The following HSD17B12 variants were observed in gnomAD, a reference collection of about 807,000 sequenced individuals.
The protein encoded by HSD17B12 is very-long-chain 3-oxoacyl-CoA reductase.
Under a neutral mutation model 39.3 loss-of-function variants are expected in HSD17B12, and 32 were observed. The ratio of observed to expected loss-of-function variants is 0.81; its 90% CI spans 0.61 to 1.09. The LOEUF (loss-of-function observed/expected upper bound fraction) is 1.09. Ranked by LOEUF, HSD17B12 falls within the 50% of genes least tolerant of loss-of-function variation. The pLI is 0.00. For synonymous variants in HSD17B12, 150 were observed against 146.7 expected (o/e 1.02, Z -0.16); for missense variants, 342 against 382.9 (o/e 0.89, Z 0.89).
At chr11:43,651,137 C>G in the HSD17B12 span, among the ~76,000 whole-genome samples, 1 of 152,134 alleles carries the variant, frequency 6.6e-6, no homozygotes, top group South Asian at 2.1e-4. Context: ...TAGAAATGTT[C>G]AAAAAGGTAT....
intron 1 of HSD17B12, 93 bp from the exon 2 acceptor site, chr11:43,750,818 C>T: frequency 1.3e-6 from 1 of 791,352 alleles, no homozygotes; most frequent in South Asian, 1.8e-5. Flanking sequence ...AAGTGTCACA[C>T]TGGTCCTTTT....
chr11:43,849,666 C>G (rs1001331122), intron 9 of HSD17B12, among the ~76,000 whole-genome samples: 1 of 152,210 alleles, frequency 6.6e-6, no homozygotes, highest in African/African-American at 2.4e-5. Flanking sequence ...CAGCCTCTAT[C>G]AGCTCTTTTA....
chr11:43,683,086 C>G (rs935164950), intron 1 of HSD17B12, among the ~76,000 whole-genome samples: 6 of 150,726 alleles, frequency 4.0e-5, no homozygotes, highest in African/African-American at 1.5e-4. Flanking sequence ...GCCACCATGC[C>G]TGGATGTGTT....
the HSD17B12 span, among the ~76,000 whole-genome samples, chr11:43,562,978 T>C: frequency 6.6e-6 from 1 of 152,190 alleles, no homozygotes; most frequent in Non-Finnish European, 1.5e-5. Flanking sequence ...GACTTGAGTC[T>C]TCCCTCAGCT....
the HSD17B12 span, among the ~76,000 whole-genome samples, chr11:43,597,240 T>C: frequency 6.6e-6 from 1 of 152,072 alleles, no homozygotes; most frequent in South Asian, 2.1e-4. Context: ...GTAAGATGAG[T>C]AGGATTTTGA....
At chr11:43,661,809 A>G in the HSD17B12 span, among the ~76,000 whole-genome samples, 1 of 152,252 alleles carries the variant, frequency 6.6e-6, no homozygotes, top group Non-Finnish European at 1.5e-5. Flanking sequence ...ATATCAAGCC[A>G]TTAAAAGTTA....
rs537998346 is a variant in HSD17B12, at chr11:43,715,388, G to A, written c.160+34401G>A. 1.2e-4 allele frequency among the ~76,000 whole-genome samples: 18 copies of A among 152,148 alleles called. 2 individuals carry two copies. Among genetic ancestry groups the A allele is most frequent in the African/African-American group, 3.9e-4 (16 of 41,508 alleles). ...TCTGCATCTATTGAGATAATCATGT[G>A]GTTTTTGTCTTTGGTTCTGTTTATA... On this transcript the variant is annotated intron_variant, in intron 1 of 10. Transcript: ENST00000278353.
At chr11:43,705,853 C>A (rs1472686969) in intron 1 of HSD17B12, among the ~76,000 whole-genome samples, 1 of 150,212 alleles carries the variant, frequency 6.7e-6, no homozygotes, top group Non-Finnish European at 1.5e-5. Context: ...TCTTCACCTC[C>A]CCGGCTCAAA....
the HSD17B12 span, among the ~76,000 whole-genome samples, chr11:43,562,157 T>A: frequency 1.3e-5 from 2 of 152,256 alleles, no homozygotes; most frequent in African/African-American, 4.8e-5. Context: ...TAAAGCACTC[T>A]AGATAAGTAA....
intron 1 of HSD17B12, among the ~76,000 whole-genome samples, chr11:43,730,640 G>T (rs1950259317): frequency 6.6e-6 from 1 of 152,168 alleles, no homozygotes; most frequent in South Asian, 2.1e-4. Flanking sequence ...CTATCTTTTG[G>T]TGAGGCTGTT....
the HSD17B12 span, among the ~76,000 whole-genome samples, chr11:43,582,000 G>A: frequency 2.6e-5 from 4 of 152,134 alleles, no homozygotes; most frequent in Non-Finnish European, 5.9e-5. The surrounding 1 kb of genome is among the most constrained non-coding windows in gnomAD (Gnocchi z 4.9). Flanking sequence ...TGGTGCGGGG[G>A]ACCCGGAGGT....
At chr11:43,825,928 A>G (rs570878645) in intron 6 of HSD17B12, among the ~76,000 whole-genome samples, 1 of 98,864 alleles carries the variant, frequency 1.0e-5, no homozygotes, top group South Asian at 3.7e-4. Flanking sequence ...AAAATCTCTG[A>G]CAACTTTAGA....
At chr11:43,590,807 CTTTTTTT>C in the HSD17B12 span, among the ~76,000 whole-genome samples, 2 of 125,468 alleles carry the variant, frequency 1.6e-5, no homozygotes, top group South Asian at 2.6e-4. Context: ...CCCAGCTCGA[CTTTTTTT>C]TTTTTTTTTT....
At chr11:43,627,497 T>A in the HSD17B12 span, among the ~76,000 whole-genome samples, 13 of 151,950 alleles carry the variant, frequency 8.6e-5, no homozygotes, top group Non-Finnish European at 1.6e-4. Flanking sequence ...TTTTAAAAAC[T>A]TCATAGTATT....
At chr11:43,813,888 G>A (rs538021784) in intron 4 of HSD17B12, among the ~76,000 whole-genome samples, 83 of 152,086 alleles carry the variant, frequency 5.5e-4, no homozygotes, top group Non-Finnish European at 9.7e-4. Context: ...AGGTTTCAGT[G>A]GTATTGTTGT....
the HSD17B12 span, among the ~76,000 whole-genome samples, chr11:43,631,400 A>G: frequency 6.6e-6 from 1 of 152,218 alleles, no homozygotes; most frequent in Non-Finnish European, 1.5e-5. Context: ...CAATTTTTCC[A>G]GAACATGTCC....
intron 1 of HSD17B12, chr11:43,734,345 G>C: frequency 1.0e-6 from 1 of 992,386 alleles, no homozygotes; most frequent in Non-Finnish European, 1.6e-6. Flanking sequence ...GGCCAGATCT[G>C]TGGTGGAAAA....
chr11:43,679,902 A>C (rs1033293501), upstream of HSD17B12, among the ~76,000 whole-genome samples: 4 of 152,112 alleles, frequency 2.6e-5, no homozygotes, highest in African/African-American at 4.8e-5. Context: ...GCAGCGAGGA[A>C]GGCACAGACA....
the HSD17B12 span, among the ~76,000 whole-genome samples, chr11:43,658,485 C>A: frequency 6.6e-6 from 1 of 152,126 alleles, no homozygotes; most frequent in Non-Finnish European, 1.5e-5. Context: ...TTTAGAGTTT[C>A]CAGTTTTTCT....
Sources: gnomAD v4.1 joint callset for allele counts (sites outside exome capture counted in the v4.1 genomes callset) on GRCh38, gnomAD v4.1.1 for gene constraint, Gnocchi (gnomAD v3.1) non-coding constraint, MANE v1.5 for transcripts, NCBI Gene and HGNC (gene_info 2026-07-23, HGNC 2026-07-21) for gene names.